The following NUBPL variants were observed in gnomAD, a reference collection of about 807,000 sequenced individuals.
The protein encoded by NUBPL is NUBP iron-sulfur cluster assembly factor, mitochondrial.
In NUBPL, 31 loss-of-function variants were observed where a neutral mutation model predicts 45.7. The observed-to-expected ratio is 0.68, with a 90% CI of 0.51 to 0.92. The LOEUF (loss-of-function observed/expected upper bound fraction) is 0.92. Ranked by LOEUF, NUBPL falls within the 40% of genes least tolerant of loss-of-function variation. The probability of loss-of-function intolerance (pLI) is 0.00; values close to 1 mark genes in which losing one functional copy is unlikely to be tolerated. For missense variants in NUBPL, 401 were observed against 398.7 expected, an observed-to-expected ratio of 1.01 and a Z score of -0.05; for synonymous variants, 144 against 140.9, an observed-to-expected ratio of 1.02 and a Z score of -0.15.
intron 8 of NUBPL, among the ~76,000 whole-genome samples, chr14:31,842,436 CCT>C (rs910252286): frequency 1.3e-5 from 2 of 152,070 alleles, no homozygotes; most frequent in Non-Finnish European, 2.9e-5. Context: ...GTTATCAAAA[CCT>C]CTGACTTTCA....
Position 31,565,010 on chromosome 14 carries a change from A to G in NUBPL, c.257-4A>G. 6.5e-7 allele frequency: 1 copy of G among 1,530,288 alleles called. No homozygotes were observed. The highest frequency in any genetic ancestry group is 1.7e-5 in the Admixed American group (1 of 58,986). 94.8% of individuals were successfully genotyped at this position (1,530,288 alleles called of 1,614,324 possible). On this transcript the variant is annotated splice_region_variant and splice_polypyrimidine_tract_variant and intron_variant, in intron 2 of 10. Transcript: ENST00000281081. Reference sequence around the variant, plus strand: ...AATTCAATTACTTTTTTTGTTTCTTACAGTGAATCTTGCACTTGCACTAGC... The same window carrying G: ...AATTCAATTACTTTTTTTGTTTCTTGCAGTGAATCTTGCACTTGCACTAGC...
chr14:31,636,904 G>A (rs1188084990), intron 4 of NUBPL, among the ~76,000 whole-genome samples: 1 of 152,140 alleles, frequency 6.6e-6, no homozygotes, highest in Non-Finnish European at 1.5e-5. Flanking sequence ...TTCTCTGATG[G>A]TAGTTTGTAT....
intron 4 of NUBPL, among the ~76,000 whole-genome samples, chr14:31,643,585 A>G (rs1461833319): frequency 6.6e-6 from 1 of 152,042 alleles, no homozygotes; most frequent in East Asian, 1.9e-4. Flanking sequence ...ATCTATGTTC[A>G]TTAGTGTTGT....
chr14:31,576,095 A>C (rs977288585), intron 3 of NUBPL, among the ~76,000 whole-genome samples: 1 of 152,210 alleles, frequency 6.6e-6, no homozygotes, highest in African/African-American at 2.4e-5. Context: ...AGAAATGGAA[A>C]TACTCATTAT....
At chr14:31,802,301 G>C (rs1443277939) in intron 7 of NUBPL, among the ~76,000 whole-genome samples, 3 of 149,576 alleles carry the variant, frequency 2.0e-5, no homozygotes, top group Admixed American at 1.3e-4. Context: ...TTTTTTGACA[G>C]AGTCTTGCTC....
intron 6 of NUBPL, among the ~76,000 whole-genome samples, chr14:31,737,557 C>A (rs2038189977): frequency 6.6e-6 from 1 of 152,104 alleles, no homozygotes; most frequent in Non-Finnish European, 1.5e-5. Context: ...CCAAGGTGGG[C>A]AGATCACCTG....
chr14:31,677,378 A>G (rs532254442), intron 6 of NUBPL, among the ~76,000 whole-genome samples: 3 of 151,866 alleles, frequency 2.0e-5, no homozygotes, highest in African/African-American at 4.8e-5. Flanking sequence ...TCTATGCTCT[A>G]TCTCCATGAG....
intron 6 of NUBPL, among the ~76,000 whole-genome samples, chr14:31,689,750 G>A (rs920718032): frequency 6.6e-6 from 1 of 152,136 alleles, no homozygotes; most frequent in Non-Finnish European, 1.5e-5. Context: ...CTATGTCCAG[G>A]ATGGTATTGC....
chr14:31,638,280 C>T (rs2035568386), intron 4 of NUBPL, among the ~76,000 whole-genome samples: 1 of 151,430 alleles, frequency 6.6e-6, no homozygotes, highest in African/African-American at 2.4e-5. Context: ...TTAGGGCAGG[C>T]CTGGTGGTGA....
chr14:31,719,763 C>T (rs949563646), intron 6 of NUBPL, among the ~76,000 whole-genome samples: 22 of 152,112 alleles, frequency 1.4e-4, no homozygotes, highest in Admixed American at 6.5e-5. Flanking sequence ...ACCCCATGAT[C>T]AAAGTAAGCC....
intron 7 of NUBPL, among the ~76,000 whole-genome samples, chr14:31,815,176 AT>A (rs755552395): frequency 2.6e-5 from 4 of 151,474 alleles, no homozygotes; most frequent in South Asian, 2.1e-4. Context: ...TGAACATGGA[AT>A]TTTTTTTTCC....
At chr14:31,810,761 G>A (rs2039786987) in intron 7 of NUBPL, among the ~76,000 whole-genome samples, 1 of 152,160 alleles carries the variant, frequency 6.6e-6, no homozygotes, top group Admixed American at 6.6e-5. Context: ...GGTACTTATT[G>A]TTCCTTTCCA....
At chr14:31,691,400 A>G (rs1056931180) in intron 6 of NUBPL, among the ~76,000 whole-genome samples, 1 of 152,272 alleles carries the variant, frequency 6.6e-6, no homozygotes, top group Non-Finnish European at 1.5e-5. Flanking sequence ...GCTTCTGATC[A>G]ACAGCAGGGT....
At chr14:31,774,972 C>T (rs952974371) in intron 6 of NUBPL, among the ~76,000 whole-genome samples, 2 of 152,190 alleles carry the variant, frequency 1.3e-5, no homozygotes, top group African/African-American at 4.8e-5. Flanking sequence ...ATACTCTTAT[C>T]ACTCTAGTGA....
intron 4 of NUBPL, among the ~76,000 whole-genome samples, chr14:31,658,241 T>G (rs757838609): frequency 1.3e-5 from 2 of 152,208 alleles, no homozygotes; most frequent in Non-Finnish European, 2.9e-5. Context: ...TTCTTGGATA[T>G]GTATGTGAAA....
intron 6 of NUBPL, among the ~76,000 whole-genome samples, chr14:31,717,211 A>G (rs2037709889): frequency 6.6e-6 from 1 of 151,990 alleles, no homozygotes; most frequent in African/African-American, 2.4e-5. Flanking sequence ...ATATTCCTGA[A>G]TTCACTTTGC....
rs535901723 is a variant in NUBPL, at chr14:31,782,116, G to A, written c.514-5664G>A. Among the ~76,000 whole-genome samples the A allele has an allele frequency of 1.8e-4, 27 of 152,098 alleles. No homozygotes were observed. In the South Asian group the frequency reaches 2.1e-3, roughly 12 times the overall value. On this transcript the variant is annotated intron_variant, in intron 6 of 10. Coordinates refer to ENST00000281081, the MANE Select transcript of NUBPL (RefSeq NM_025152.3). ...TTTTTTCTTATTAAAAACACACCTG[G>A]CCAGGTGCAGTGCCTGACGCCTGTA...
intron 4 of NUBPL, among the ~76,000 whole-genome samples, chr14:31,660,170 C>G (rs558608051): frequency 7.2e-5 from 11 of 152,220 alleles, no homozygotes; most frequent in African/African-American, 1.9e-4. Context: ...TTTTGGTTGT[C>G]CAGGTTGATG....
At chr14:31,732,323 TG>T (rs1440087187) in intron 6 of NUBPL, among the ~76,000 whole-genome samples, 1 of 152,144 alleles carries the variant, frequency 6.6e-6, no homozygotes, top group Non-Finnish European at 1.5e-5. Context: ...GATCAGACTC[TG>T]GGCAAATCAT....
Sources: gnomAD v4.1 joint callset for allele counts (sites outside exome capture counted in the v4.1 genomes callset) on GRCh38, gnomAD v4.1.1 for gene constraint, MANE v1.5 for transcripts, NCBI Gene and HGNC (gene_info 2026-07-23, HGNC 2026-07-21) for gene names.